ADAMTS14: variants seen among roughly 807,000 people sequenced by gnomAD.
ADAMTS14 encodes the protein A disintegrin and metalloproteinase with thrombospondin motifs 14.
In ADAMTS14, 100 loss-of-function variants were observed where a neutral mutation model predicts 128.6. The observed-to-expected ratio is 0.78, with a 90% CI of 0.66 to 0.92. The LOEUF is 0.92. ADAMTS14 is among the 40% of genes least tolerant of loss of function. The pLI is 0.00. For synonymous variants in ADAMTS14, 665 were observed against 653.8 expected (o/e 1.02, Z -0.26); for missense variants, 1,562 against 1,658.6 (o/e 0.94, Z 1.01).
intron 4 of ADAMTS14, among the ~76,000 whole-genome samples, chr10:70,719,770 T>C (rs1841194056): frequency 6.6e-6 from 1 of 152,178 alleles, no homozygotes. Context: ...AGGCCTGGTT[T>C]CAAAGCCTTG....
chr10:70,720,140 C>T (rs1315220495), intron 4 of ADAMTS14, among the ~76,000 whole-genome samples: 1 of 152,202 alleles, frequency 6.6e-6, no homozygotes, highest in Admixed American at 6.5e-5. Flanking sequence ...CCCAGACCAG[C>T]CTGTAGGCTC....
intron 4 of ADAMTS14, among the ~76,000 whole-genome samples, chr10:70,721,886 C>T (rs1841279404): frequency 6.6e-6 from 1 of 152,224 alleles, no homozygotes; most frequent in South Asian, 2.1e-4. Context: ...GAGGGCTCCA[C>T]TGGCATCCTT....
chr10:70,731,826 G>C (rs1444281170), intron 6 of ADAMTS14, among the ~76,000 whole-genome samples: 2 of 152,216 alleles, frequency 1.3e-5, no homozygotes, highest in East Asian at 3.9e-4. Context: ...GGTGGGTAGC[G>C]GGGTGTTGCA....
intron 4 of ADAMTS14, among the ~76,000 whole-genome samples, chr10:70,718,532 C>T (rs547598077): frequency 3.9e-5 from 6 of 151,964 alleles, no homozygotes; most frequent in East Asian, 1.9e-4. Context: ...GGGTTACAGG[C>T]GTGCCACCAC....
At chr10:70,720,731 C>T (rs1419413743) in intron 4 of ADAMTS14, among the ~76,000 whole-genome samples, 11 of 152,366 alleles carry the variant, frequency 7.2e-5, no homozygotes, top group South Asian at 2.1e-4. Context: ...ACATATAATA[C>T]GGGTACCCAC....
chr10:70,694,664 A>G (rs1254756749), intron 2 of ADAMTS14, among the ~76,000 whole-genome samples: 1 of 152,056 alleles, frequency 6.6e-6, no homozygotes, highest in African/African-American at 2.4e-5. Context: ...GGCTTCTTTC[A>G]CTTGGCATAT....
At chr10:70,752,039 C>T (rs1410545199) in intron 17 of ADAMTS14, 56 bp from the exon 18 acceptor site, 35 of 1,571,048 alleles carry the variant, frequency 2.2e-5, no homozygotes, top group Non-Finnish European at 3.0e-5. Context: ...GAGGCCCCAC[C>T]AGGGCAATGG....
intron 2 of ADAMTS14, among the ~76,000 whole-genome samples, chr10:70,676,969 C>A (rs956908873): frequency 6.6e-6 from 1 of 152,134 alleles, no homozygotes; most frequent in African/African-American, 2.4e-5. Flanking sequence ...CCTCCTGGAG[C>A]GAGACACAGA....
chr10:70,716,025 G>A (rs1370882548), intron 4 of ADAMTS14, among the ~76,000 whole-genome samples: 1 of 152,174 alleles, frequency 6.6e-6, no homozygotes, highest in Non-Finnish European at 1.5e-5. Context: ...TTTGACCCTT[G>A]ACCTCTGACT....
At chr10:70,746,003 A>G (rs1007519767) in intron 15 of ADAMTS14, among the ~76,000 whole-genome samples, 1 of 152,174 alleles carries the variant, frequency 6.6e-6, no homozygotes, top group Admixed American at 6.5e-5. Flanking sequence ...ATTAGTCCAA[A>G]TCACATGGAC....
chr10:70,738,191 GA>G (rs1156380401), intron 10 of ADAMTS14, among the ~76,000 whole-genome samples: 1 of 152,114 alleles, frequency 6.6e-6, no homozygotes, highest in Non-Finnish European at 1.5e-5. Flanking sequence ...TACCCTGTAG[GA>G]AAAGGGAAGG....
intron 4 of ADAMTS14, 59 bp downstream of exon 4, chr10:70,708,837 C>G: frequency 7.9e-7 from 1 of 1,262,418 alleles, no homozygotes; most frequent in East Asian, 2.6e-5. Context: ...CCCCACCCCA[C>G]CCCACTGGGC....
intron 2 of ADAMTS14, among the ~76,000 whole-genome samples, chr10:70,681,456 C>T (rs1447443240): frequency 6.6e-6 from 1 of 152,188 alleles, no homozygotes; most frequent in East Asian, 1.9e-4. Context: ...TGGAAAATGT[C>T]AACCTCACCA....
intron 7 of ADAMTS14, among the ~76,000 whole-genome samples, chr10:70,733,268 A>G (rs1284515871): frequency 2.6e-5 from 4 of 152,246 alleles, no homozygotes; most frequent in Non-Finnish European, 5.9e-5. Flanking sequence ...TTAAGAACTT[A>G]GAATTCTTGG....
intron 4 of ADAMTS14, among the ~76,000 whole-genome samples, chr10:70,718,072 G>A (rs550931138): frequency 6.6e-6 from 1 of 152,212 alleles, no homozygotes; most frequent in Non-Finnish European, 1.5e-5. Flanking sequence ...TGGAAGGGTG[G>A]CATTTTGTTT....
rs777030272 is a variant in ADAMTS14, at chr10:70,738,887, T to G, written c.1645T>G (p.Tyr549Asp). ...HCIWKSPEQT[Y>D]GQDGGWSSWT... ...CATCTGGAAGTCGCCGGAGCAGACA[T>G]ATGGCCAGGATGGAGGCTGGAGCTC... Residue 549 changes from tyrosine (Y) to aspartate (D), a missense_variant, in exon 11 of 22, where the codon TAT becomes GAT. By Grantham distance (160) the Tyr-to-Asp change is radical. Coordinates refer to ENST00000373207, the MANE Select transcript of ADAMTS14 (RefSeq NM_080722.4). 3 of 1,614,096 alleles carry G rather than the reference T, an allele frequency of 1.9e-6. No individual in the cohort carries two copies. The East Asian group carries it at 6.7e-5, about 36-fold the overall frequency.
chr10:70,704,652 T>C (rs117133438), intron 3 of ADAMTS14, among the ~76,000 whole-genome samples: 2,507 of 142,764 alleles, frequency 0.018, 30 homozygotes, highest in Admixed American at 0.032. Flanking sequence ...CATAGATTCA[T>C]GCTTACACAC....
chr10:70,760,029 C>T (rs1176174382), intron 21 of ADAMTS14, among the ~76,000 whole-genome samples: 1 of 152,204 alleles, frequency 6.6e-6, no homozygotes, highest in Non-Finnish European at 1.5e-5. Context: ...AGCGCTGAGC[C>T]CCAGCCTGAG....
At chr10:70,729,431 G>A in intron 5 of ADAMTS14, 54 bp downstream of exon 5, 4 of 1,459,918 alleles carry the variant, frequency 2.7e-6, no homozygotes, top group Non-Finnish European at 2.9e-6. Flanking sequence ...TGTGGGGCCA[G>A]AGTGTTGGAC....
Sources: allele counts gnomAD v4.1 joint callset (sites outside exome capture counted in the v4.1 genomes callset), GRCh38; gene constraint gnomAD v4.1.1; transcripts MANE v1.5; gene names NCBI Gene and HGNC (gene_info 2026-07-23, HGNC 2026-07-21).